Variants in XYLT1 observed in about 807,000 individuals in gnomAD.
XYLT1 encodes the protein xylosyltransferase 1.
Under a neutral mutation model 91.3 loss-of-function variants are expected in XYLT1, and 36 were observed. The ratio of observed to expected loss-of-function variants is 0.39; its 90% confidence interval spans 0.30 to 0.52. The LOEUF (loss-of-function observed/expected upper bound fraction) is 0.52, where lower values mean the gene tolerates loss of function less well. Ranked by LOEUF, XYLT1 falls within the 20% of genes least tolerant of loss-of-function variation. The pLI, the probability that XYLT1 is intolerant of heterozygous loss-of-function variation, is 0.68. For synonymous variants in XYLT1, 588 were observed against 532.0 expected (o/e 1.11, Z -1.45); for missense variants, 1,242 against 1,284.5 (o/e 0.97, Z 0.51).
intron 1 of XYLT1, among the ~76,000 whole-genome samples, chr16:17,413,890 ACT>A (rs2036145319): frequency 6.6e-6 from 1 of 151,730 alleles, no homozygotes; most frequent in Admixed American, 6.6e-5. Context: ...ACCATATCTA[ACT>A]CTCACACACC....
chr16:17,317,695 C>G (rs1050189967), intron 2 of XYLT1, among the ~76,000 whole-genome samples: 1 of 140,580 alleles, frequency 7.1e-6, no homozygotes, highest in Non-Finnish European at 1.5e-5. Context: ...TGCAGTATCT[C>G]TTTACCCTCA....
chr16:17,308,972 G>A (rs78050196), intron 2 of XYLT1, among the ~76,000 whole-genome samples: 7,386 of 151,826 alleles, frequency 0.049, 582 homozygotes, highest in African/African-American at 0.17. Flanking sequence ...GAACGTAAAC[G>A]TGAGCAAAAG....
intron 1 of XYLT1, among the ~76,000 whole-genome samples, chr16:17,454,203 A>G (rs889102823): frequency 6.6e-6 from 1 of 152,250 alleles, no homozygotes; most frequent in Non-Finnish European, 1.5e-5. Flanking sequence ...ATGTTTGCCG[A>G]AAGAGATGTC....
intron 3 of XYLT1, among the ~76,000 whole-genome samples, chr16:17,244,237 C>T (rs780432148): frequency 4.6e-5 from 7 of 152,046 alleles, no homozygotes; most frequent in Non-Finnish European, 2.9e-5. Context: ...GTTCTGTCCT[C>T]GACCTGGGTC....
chr16:17,286,959 GC>G (rs1298122523), intron 2 of XYLT1, among the ~76,000 whole-genome samples: 11 of 152,094 alleles, frequency 7.2e-5, no homozygotes, highest in Non-Finnish European at 1.5e-4. Context: ...ACACCACCCA[GC>G]CAAGGCCACG....
At chr16:17,167,208 CCATTTCTGTAGA>C (rs2031709156) in intron 5 of XYLT1, among the ~76,000 whole-genome samples, 1 of 152,202 alleles carries the variant, frequency 6.6e-6, no homozygotes, top group Non-Finnish European at 1.5e-5. Flanking sequence ...GGAATGTGAT[CCATTTCTGTAGA>C]CAGAGGCAGG....
intron 3 of XYLT1, among the ~76,000 whole-genome samples, chr16:17,212,998 G>C (rs1490221101): frequency 2.0e-5 from 3 of 152,212 alleles, no homozygotes; most frequent in Non-Finnish European, 4.4e-5. Context: ...CCTGGGCTGA[G>C]CATTTTCTAA....
At chr16:17,144,884 C>G (rs2031091917) in intron 6 of XYLT1, among the ~76,000 whole-genome samples, 1 of 152,184 alleles carries the variant, frequency 6.6e-6, no homozygotes, top group Non-Finnish European at 1.5e-5. Flanking sequence ...GCTGTAACAG[C>G]AGTGGTTTAA....
intron 1 of XYLT1, among the ~76,000 whole-genome samples, chr16:17,406,331 C>T (rs2036032477): frequency 6.6e-6 from 1 of 152,224 alleles, no homozygotes; most frequent in Non-Finnish European, 1.5e-5. Flanking sequence ...GTAGCTTGTT[C>T]TCAAAATTCT....
intron 2 of XYLT1, among the ~76,000 whole-genome samples, chr16:17,290,925 AATTGTCTTATTTTATTC>A (rs1336732349): frequency 1.3e-5 from 2 of 152,084 alleles, no homozygotes; most frequent in Admixed American, 1.3e-4. Flanking sequence ...GCCACCTGAC[AATTGTCTTATTTTATTC>A]ATTTATTTAT....
In XYLT1 at chr16:17,244,657, A is replaced by T. The variant is rs575756436; in HGVS notation, c.913+14331T>A. Among the ~76,000 whole-genome samples the T allele has an allele frequency of 1.6e-4, 24 of 152,298 alleles. No homozygotes were observed. In the South Asian group the frequency reaches 4.6e-3, roughly 29 times the overall value. ...TCCTGGGGCATCCGTTGTAGGTAGC[A>T]AATTAGCTTTTCTCTGATGTATCCA... On this transcript the variant is annotated intron_variant, in intron 3 of 11. Coordinates refer to ENST00000261381, the MANE Select transcript of XYLT1 (RefSeq NM_022166.4).
At chr16:17,171,274 G>C (rs2031814001) in intron 5 of XYLT1, among the ~76,000 whole-genome samples, 1 of 152,272 alleles carries the variant, frequency 6.6e-6, no homozygotes, top group South Asian at 2.1e-4. Context: ...TTTGGGACTG[G>C]GTCAGTTTGG....
intron 2 of XYLT1, among the ~76,000 whole-genome samples, chr16:17,330,642 A>T (rs1567377686): frequency 6.6e-6 from 1 of 151,952 alleles, no homozygotes; most frequent in Non-Finnish European, 1.5e-5. Context: ...AAAAAAAAAA[A>T]AATTAGCTGG....
chr16:17,194,673 GCCAGT>G, intron 5 of XYLT1, among the ~76,000 whole-genome samples: 1 of 152,208 alleles, frequency 6.6e-6, no homozygotes, highest in Non-Finnish European at 1.5e-5. Flanking sequence ...GGGCCATCCT[GCCAGT>G]CCAGTTCTGC....
intron 1 of XYLT1, among the ~76,000 whole-genome samples, chr16:17,402,069 C>T (rs1323707067): frequency 1.3e-5 from 2 of 151,460 alleles, no homozygotes; most frequent in Admixed American, 6.6e-5. Flanking sequence ...GAGGCTGAGG[C>T]AGGTGAATAG....
At chr16:17,321,113 C>T (rs1278721945) in intron 2 of XYLT1, among the ~76,000 whole-genome samples, 4 of 151,942 alleles carry the variant, frequency 2.6e-5, no homozygotes, top group East Asian at 1.9e-4. Flanking sequence ...TACGAATTAC[C>T]CTGGAGTTGT....
At chr16:17,162,162 C>G (rs1431135963) in intron 5 of XYLT1, among the ~76,000 whole-genome samples, 1 of 152,022 alleles carries the variant, frequency 6.6e-6, no homozygotes, top group African/African-American at 2.4e-5. Flanking sequence ...AATTCCAGCA[C>G]TTGGGGAGGC....
chr16:17,283,135 T>C (rs959009841), intron 2 of XYLT1, among the ~76,000 whole-genome samples: 1 of 152,066 alleles, frequency 6.6e-6, no homozygotes, highest in African/African-American at 2.4e-5. Flanking sequence ...CGTCCTCGCT[T>C]GGAAGGAAGA....
chr16:17,304,364 T>A lies in XYLT1; in HGVS notation c.403-44866A>T, dbSNP rs535502230. ...TGACTATCTCTGTCAGTGTGTCTTTTTTTCCCCCTCCTTCCTCCCCAAAGC... is the reference window on the plus strand; with the variant it reads ...TGACTATCTCTGTCAGTGTGTCTTTATTTCCCCCTCCTTCCTCCCCAAAGC... On this transcript the variant is annotated intron_variant, in intron 2 of 11. Transcript: ENST00000261381. Among the ~76,000 whole-genome samples, 3 of 152,218 alleles carry A rather than the reference T, an allele frequency of 2.0e-5. No individual in the cohort carries two copies. The East Asian group carries it at 5.8e-4, about 29-fold the overall frequency.
Sources: allele counts gnomAD v4.1 joint callset (sites outside exome capture counted in the v4.1 genomes callset), GRCh38; gene constraint gnomAD v4.1.1; transcripts MANE v1.5; gene names NCBI Gene and HGNC (gene_info 2026-07-23, HGNC 2026-07-21).